RAB12: variants seen among roughly 807,000 people sequenced by gnomAD.
The protein encoded by RAB12 is ras-related protein Rab-12.
In RAB12, 11 loss-of-function variants were observed where a neutral mutation model predicts 28.4. The observed-to-expected ratio is 0.39, with a 90% CI of 0.24 to 0.64. The LOEUF (loss-of-function observed/expected upper bound fraction) is 0.64, where lower values mean the gene tolerates loss of function less well. Among genes scored for constraint, RAB12 ranks in the 30% least tolerant of loss-of-function variants. The pLI, the probability that RAB12 is intolerant of heterozygous loss-of-function variation, is 0.50. For synonymous variants in RAB12, 138 were observed against 145.3 expected, an observed-to-expected ratio of 0.95 and a Z score of 0.36; for missense variants, 276 against 351.1, an observed-to-expected ratio of 0.79 and a Z score of 1.71.
chr18:8,630,593 G>T (rs1223340799), intron 2 of RAB12, among the ~76,000 whole-genome samples: 1 of 152,178 alleles, frequency 6.6e-6, no homozygotes, highest in Non-Finnish European at 1.5e-5. Context: ...CTGGCCGAAG[G>T]GGAGGTCCAT....
intron 2 of RAB12, among the ~76,000 whole-genome samples, chr18:8,631,267 A>G (rs2096015848): frequency 6.6e-6 from 1 of 152,230 alleles, no homozygotes; most frequent in African/African-American, 2.4e-5. Flanking sequence ...GATATTAACA[A>G]TCAATGTCAG....
At chr18:8,619,577 T>G (rs2096008612) in intron 1 of RAB12, among the ~76,000 whole-genome samples, 1 of 152,200 alleles carries the variant, frequency 6.6e-6, no homozygotes, top group Non-Finnish European at 1.5e-5. Context: ...ATCTCACGCT[T>G]TTCTCTCTTT....
At chr18:8,632,605 T>C (rs1368792837) in intron 2 of RAB12, among the ~76,000 whole-genome samples, 1 of 152,204 alleles carries the variant, frequency 6.6e-6, no homozygotes, top group Non-Finnish European at 1.5e-5. Flanking sequence ...TAGTGAGCTC[T>C]GAGAAATGAA....
At chr18:8,633,439 C>T in intron 3 of RAB12, 112 bp downstream of exon 3, 6 of 1,227,242 alleles carry the variant, frequency 4.9e-6, no homozygotes, top group Middle Eastern at 2.4e-4. Context: ...ATAGACTAAA[C>T]ATCATTTAGC....
In RAB12 at chr18:8,625,769, G is replaced by A. The variant is rs148000014; in HGVS notation, c.575+771G>A. On this transcript the variant is annotated intron_variant, in intron 2 of 5. Transcript: ENST00000649141. ...GTTTTGTTTTGAATGCTACAGCTGC[G>A]GTGTACTCAGCTTACTAACTCCTCT... Among the ~76,000 whole-genome samples, 929 of 152,246 alleles carry A rather than the reference G, an allele frequency of 6.1e-3. 6 individuals carry two copies. Among genetic ancestry groups the A allele is most frequent in the Admixed American group, 8.3e-3 (127 of 15,292 alleles).
intron 1 of RAB12, among the ~76,000 whole-genome samples, chr18:8,621,625 CTTTTA>C (rs1279175572): frequency 6.6e-6 from 1 of 151,866 alleles, no homozygotes; most frequent in Non-Finnish European, 1.5e-5. Context: ...TCCTTTCCAG[CTTTTA>C]TTTTAGGGTC....
At chr18:8,628,801 A>G (rs969124694) in intron 2 of RAB12, among the ~76,000 whole-genome samples, 2 of 152,182 alleles carry the variant, frequency 1.3e-5, no homozygotes, top group Admixed American at 1.3e-4. Flanking sequence ...GTTTTTATTA[A>G]AACTCCTATT....
At chr18:8,614,853 G>A (rs2096005889) in intron 1 of RAB12, among the ~76,000 whole-genome samples, 1 of 152,194 alleles carries the variant, frequency 6.6e-6, no homozygotes. Flanking sequence ...CAAAGAGCTA[G>A]GATTACAGGT....
chr18:8,637,496 C>T (rs1291393562), intron 5 of RAB12, among the ~76,000 whole-genome samples: 2 of 152,112 alleles, frequency 1.3e-5, no homozygotes, highest in African/African-American at 2.4e-5. Context: ...TATGAAGTGT[C>T]TTGAACATGG....
chr18:8,614,773 A>T (rs2096005853), intron 1 of RAB12, among the ~76,000 whole-genome samples: 1 of 152,124 alleles, frequency 6.6e-6, no homozygotes, highest in African/African-American at 2.4e-5. Context: ...TTTAGTAGTG[A>T]CAGGGTTTCA....
At chr18:8,623,942 C>G (rs890725933) in intron 1 of RAB12, among the ~76,000 whole-genome samples, 8 of 152,364 alleles carry the variant, frequency 5.3e-5, no homozygotes, top group South Asian at 2.1e-4. Context: ...GGTCACATGT[C>G]TTCCACTTCC....
intron 1 of RAB12, among the ~76,000 whole-genome samples, chr18:8,620,122 CTTTTTTTT>C (rs1305957741): frequency 3.4e-5 from 1 of 29,314 alleles, no homozygotes; most frequent in Non-Finnish European, 6.6e-5. Context: ...ACAAAGCCTT[CTTTTTTTT>C]TTCTTCTTCT....
intron 2 of RAB12, among the ~76,000 whole-genome samples, chr18:8,629,004 T>C (rs147778825): frequency 2.6e-5 from 4 of 152,336 alleles, no homozygotes; most frequent in Admixed American, 1.3e-4. Context: ...AATTTGTGGT[T>C]CAGCGATATT....
intron 1 of RAB12, among the ~76,000 whole-genome samples, chr18:8,615,978 A>G (rs1327066593): frequency 6.6e-6 from 1 of 152,222 alleles, no homozygotes; most frequent in Non-Finnish European, 1.5e-5. Flanking sequence ...TAGAAGGCAG[A>G]GTAGGTTCCT....
chr18:8,618,909 C>G (rs778067291), intron 1 of RAB12, among the ~76,000 whole-genome samples: 1 of 152,212 alleles, frequency 6.6e-6, no homozygotes, highest in Non-Finnish European at 1.5e-5. Flanking sequence ...GCCCACATGA[C>G]TTGATTTTAA....
intron 1 of RAB12, among the ~76,000 whole-genome samples, chr18:8,617,404 A>G (rs542304772): frequency 5.9e-5 from 9 of 151,300 alleles, no homozygotes; most frequent in East Asian, 1.9e-4. Flanking sequence ...GTGAAGTTCA[A>G]TTTTTTTGCA....
intron 1 of RAB12, among the ~76,000 whole-genome samples, chr18:8,621,271 C>G (rs981870042): frequency 6.6e-6 from 1 of 152,092 alleles, no homozygotes; most frequent in African/African-American, 2.4e-5. Context: ...TCTATGACAT[C>G]CCAGTATTAA....
intron 1 of RAB12, among the ~76,000 whole-genome samples, chr18:8,610,909 A>AT (rs1216370931): frequency 6.6e-6 from 1 of 152,210 alleles, no homozygotes; most frequent in African/African-American, 2.4e-5. Context: ...ATGTAATTCT[A>AT]TTTATTAATA....
chr18:8,619,662 T>A (rs958903957), intron 1 of RAB12, among the ~76,000 whole-genome samples: 2 of 152,320 alleles, frequency 1.3e-5, no homozygotes, highest in Non-Finnish European at 2.9e-5. Context: ...GTTCTGCTGC[T>A]TCTCTGTCAT....
Sources: gnomAD v4.1 joint callset for allele counts (sites outside exome capture counted in the v4.1 genomes callset) on GRCh38, gnomAD v4.1.1 for gene constraint, MANE v1.5 for transcripts, NCBI Gene and HGNC (gene_info 2026-07-23, HGNC 2026-07-21) for gene names.